C2orf76: variants seen among roughly 807,000 people sequenced by gnomAD.
C2orf76 encodes the protein chromosome 2 open reading frame 76.
A neutral mutation model predicts 16.9 loss-of-function variants in C2orf76; 23 were observed. That is an observed-to-expected ratio of 1.36 (90% CI 0.98 to 1.93). C2orf76 has a LOEUF of 1.93. Ranked by LOEUF, C2orf76 falls within the 30% of genes most tolerant of loss-of-function variation. The pLI, the probability that C2orf76 is intolerant of heterozygous loss-of-function variation, is 0.00. For missense variants in C2orf76, 152 were observed against 152.6 expected, an observed-to-expected ratio of 1.00 and a Z score of 0.02; for synonymous variants, 48 against 52.3, an observed-to-expected ratio of 0.92 and a Z score of 0.35.
chr2:119,283,399 C>T, the C2orf76 span, among the ~76,000 whole-genome samples: 1 of 152,236 alleles, frequency 6.6e-6, no homozygotes, highest in Non-Finnish European at 1.5e-5. Context: ...CTCCTCCTTC[C>T]TGCTTTGCCT....
At chr2:119,303,352 A>T (rs1002238236) in intron 5 of C2orf76, among the ~76,000 whole-genome samples, 4 of 152,250 alleles carry the variant, frequency 2.6e-5, no homozygotes, top group African/African-American at 9.6e-5. Context: ...CAATTCTTTA[A>T]GGTGTTGTGC....
At chr2:119,309,398 CTTTTTTTTTTTTTTT>C (rs1193022536) in intron 5 of C2orf76, among the ~76,000 whole-genome samples, 1 of 71,358 alleles carries the variant, frequency 1.4e-5, no homozygotes, top group Admixed American at 1.8e-4. Flanking sequence ...TTCTCTTTTT[CTTTTTTTTTTTTTTT>C]TTTTTTTTTT....
chr2:119,343,515 C>A (rs1039852255), intron 1 of C2orf76, among the ~76,000 whole-genome samples: 12 of 145,372 alleles, frequency 8.3e-5, no homozygotes, highest in Admixed American at 7.5e-4. Flanking sequence ...CACACACACA[C>A]TGGGAAGCGC....
intron 1 of C2orf76, among the ~76,000 whole-genome samples, chr2:119,350,368 G>A (rs1680360161): frequency 6.6e-6 from 1 of 152,122 alleles, no homozygotes; most frequent in Admixed American, 6.5e-5. Context: ...GTGGTGCTTT[G>A]AAAAGTAAGA....
In C2orf76 at chr2:119,307,672, G is replaced by A. The variant is rs189581280; in HGVS notation, c.304+3950C>T. 8.0e-4 allele frequency among the ~76,000 whole-genome samples: 122 copies of A among 152,132 alleles called. No individual in the cohort carries two copies. In the Middle Eastern group the frequency reaches 0.027, roughly 34 times the overall value. On this transcript the variant is annotated intron_variant, in intron 5 of 5. Coordinates refer to ENST00000334816, the MANE Select transcript of C2orf76 (RefSeq NM_001322331.2). ...TGCCGGAGTTCGGAGTTAGGAGTTC[G>A]GAGGGCAGTTTGGAGTCCTCACAAC...
At chr2:119,315,557 T>C (rs1451230316) in intron 4 of C2orf76, among the ~76,000 whole-genome samples, 2 of 152,172 alleles carry the variant, frequency 1.3e-5, no homozygotes, top group African/African-American at 2.4e-5. Context: ...AATGAGGACA[T>C]GTGGATGAAG....
In C2orf76 at chr2:119,334,703, A is replaced by ATATAT. The variant is rs376852438; in HGVS notation, c.133+5123_133+5124insATATA. 6.9e-3 allele frequency among the ~76,000 whole-genome samples: 1,009 copies of ATATAT among 146,168 alleles called. 8 individuals carry two copies. Among genetic ancestry groups the ATATAT allele is most frequent in the South Asian group, 0.018 (86 of 4,680 alleles). The stretch of plus-strand genomic sequence containing the variant: ...GAGACTCTCTCTCAGAAAAAAACAA[A>ATATAT]ATATATATATATATATATTTAAGAA... On this transcript the variant is annotated intron_variant, in intron 2 of 5. Transcript: ENST00000334816.
chr2:119,311,148 G>A, intron 5 of C2orf76: 2 of 985,362 alleles, frequency 2.0e-6, no homozygotes, highest in South Asian at 4.7e-5. Flanking sequence ...GTACTTTTCA[G>A]CTGCACACAC....
At chr2:119,334,370 T>C (rs1279442041) in intron 2 of C2orf76, among the ~76,000 whole-genome samples, 1 of 104,472 alleles carries the variant, frequency 9.6e-6, no homozygotes. Flanking sequence ...AACCTCAATG[T>C]ATGCAAAGCA....
chr2:119,318,127 G>T (rs1043603755), intron 3 of C2orf76, among the ~76,000 whole-genome samples: 1 of 152,158 alleles, frequency 6.6e-6, no homozygotes, highest in African/African-American at 2.4e-5. Flanking sequence ...TTATCTTGAA[G>T]TCAGGCTACA....
intron 1 of C2orf76, among the ~76,000 whole-genome samples, chr2:119,341,137 A>C (rs556403565): frequency 2.2e-4 from 33 of 152,250 alleles, no homozygotes; most frequent in Non-Finnish European, 4.3e-4. Context: ...ATAGACTATT[A>C]TGCACAGCAG....
downstream of C2orf76, among the ~76,000 whole-genome samples, chr2:119,300,944 C>T (rs1678610540): frequency 6.6e-6 from 1 of 152,128 alleles, no homozygotes; most frequent in African/African-American, 2.4e-5. Flanking sequence ...TCTCCTGAAA[C>T]CTCAAGCTCT....
chr2:119,339,929 G>C lies in C2orf76; in HGVS notation c.31C>G (p.Arg11Gly). 1 of 1,612,544 alleles carries C rather than the reference G, an allele frequency of 6.2e-7. No homozygotes were observed. Among genetic ancestry groups the C allele is most frequent in the East Asian group, 2.2e-5 (1 of 44,850 alleles). MAPGEVTITV[R>G]LIRSFEHRNF... ...CGATGTTCAAAGGAACGGATGAGGC[G>C]AACTGTGATGGTCACTTCTCCAGGA... The change falls in exon 2 of 6, where the codon CGC becomes GGC. Residue 11 changes from arginine (R) to glycine (G), a missense_variant. Coordinates refer to ENST00000334816, the MANE Select transcript of C2orf76 (RefSeq NM_001322331.2).
chr2:119,325,684 G>T (rs889246014), intron 2 of C2orf76, among the ~76,000 whole-genome samples: 1 of 152,080 alleles, frequency 6.6e-6, no homozygotes, highest in Non-Finnish European at 1.5e-5. Context: ...CCCACTAGTG[G>T]TATATGAGAG....
the C2orf76 span, among the ~76,000 whole-genome samples, chr2:119,285,828 C>T: frequency 6.6e-6 from 1 of 152,176 alleles, no homozygotes; most frequent in Non-Finnish European, 1.5e-5. Flanking sequence ...ATAACAGACC[C>T]TTGCATTTAT....
chr2:119,322,924 T>C (rs1026429465), intron 2 of C2orf76, among the ~76,000 whole-genome samples: 2 of 152,188 alleles, frequency 1.3e-5, no homozygotes, highest in African/African-American at 2.4e-5. Context: ...CTTTTCACTA[T>C]ATTCCTTTCC....
At chr2:119,346,195 A>G (rs1408671775) in intron 1 of C2orf76, among the ~76,000 whole-genome samples, 1 of 152,224 alleles carries the variant, frequency 6.6e-6, no homozygotes. Context: ...GTAGGAATGT[A>G]AAATGGTACT....
At chr2:119,319,068 G>A (rs1358836413) in intron 3 of C2orf76, among the ~76,000 whole-genome samples, 2 of 151,874 alleles carry the variant, frequency 1.3e-5, no homozygotes, top group African/African-American at 4.8e-5. Context: ...AGACAAGTGA[G>A]AGAAGCCAAT....
Position 119,337,065 on chromosome 2 carries a change from TTA to T in C2orf76, c.133+2760_133+2761del, listed in dbSNP as rs202100315. On this transcript the variant is annotated intron_variant, in intron 2 of 5. Transcript: ENST00000334816. ...TTCATTTATTTATTTATTTATTTAT[TTA>T]TTTTTTGAGACACAGGCTTGCTCTG... 1.5e-3 allele frequency among the ~76,000 whole-genome samples: 233 copies of T among 151,096 alleles called. 2 individuals carry two copies. The highest frequency in any genetic ancestry group is 3.4e-3 in the Middle Eastern group (1 of 294).
Sources: allele counts gnomAD v4.1 joint callset (sites outside exome capture counted in the v4.1 genomes callset), GRCh38; gene constraint gnomAD v4.1.1; transcripts MANE v1.5; gene names NCBI Gene and HGNC (gene_info 2026-07-23, HGNC 2026-07-21).